The following JMJD1C variants were observed in gnomAD, a reference collection of about 807,000 sequenced individuals.
JMJD1C encodes the protein jumonji domain-containing protein 1C.
JMJD1C carries 31 observed loss-of-function variants against 245.3 expected under a neutral mutation model. That is an observed-to-expected ratio of 0.13 (90% CI 0.09 to 0.17). The LOEUF (loss-of-function observed/expected upper bound fraction) is 0.17. Among genes scored for constraint, JMJD1C ranks in the 10% least tolerant of loss-of-function variants. JMJD1C has a pLI of 1.00. For synonymous variants in JMJD1C, 1,057 were observed against 1,017.4 expected, an observed-to-expected ratio of 1.04 and a Z score of -0.74; for missense variants, 2,691 against 3,000.2, an observed-to-expected ratio of 0.90 and a Z score of 2.41.
At chr10:63,515,369 C>T (rs760578665) in intron 1 of JMJD1C, among the ~76,000 whole-genome samples, 9 of 152,142 alleles carry the variant, frequency 5.9e-5, no homozygotes, top group African/African-American at 2.2e-4. Context: ...CAGCTGACAG[C>T]GTAAGAGGAT....
At chr10:63,331,871 C>T (rs546757974) in intron 2 of JMJD1C, among the ~76,000 whole-genome samples, 1 of 152,298 alleles carries the variant, frequency 6.6e-6, no homozygotes, top group South Asian at 2.1e-4. Flanking sequence ...TCCCTTGCCT[C>T]AGCCTCCCAA....
At chr10:63,354,822 A>T (rs1018700789) in intron 2 of JMJD1C, among the ~76,000 whole-genome samples, 6 of 147,506 alleles carry the variant, frequency 4.1e-5, no homozygotes, top group African/African-American at 1.3e-4. Flanking sequence ...CAAGAACAGC[A>T]TGGGCAACAT....
At chr10:63,364,216 C>T (rs1401016745) in intron 2 of JMJD1C, among the ~76,000 whole-genome samples, 5 of 152,040 alleles carry the variant, frequency 3.3e-5, no homozygotes, top group African/African-American at 4.8e-5. Context: ...ACTATGTTGC[C>T]CAGGCTGGTC....
intron 2 of JMJD1C, among the ~76,000 whole-genome samples, chr10:63,312,202 G>A (rs1274348929): frequency 6.6e-6 from 1 of 150,664 alleles, no homozygotes; most frequent in Non-Finnish European, 1.5e-5. Flanking sequence ...CCGCCTCCCA[G>A]GTTGAAGCGA....
At chr10:63,502,594 G>A (rs912518139) in intron 1 of JMJD1C, among the ~76,000 whole-genome samples, 5 of 139,122 alleles carry the variant, frequency 3.6e-5, no homozygotes, top group Middle Eastern at 4.0e-3. Flanking sequence ...GCCAAGTTGC[G>A]CCACTGCACT....
chr10:63,334,424 T>C (rs1942479945), intron 2 of JMJD1C, among the ~76,000 whole-genome samples: 1 of 152,186 alleles, frequency 6.6e-6, no homozygotes, highest in African/African-American at 2.4e-5. Flanking sequence ...ACAGAGATTT[T>C]GGAGTTTTAA....
intron 1 of JMJD1C, among the ~76,000 whole-genome samples, chr10:63,517,279 C>T (rs1955049809): frequency 6.6e-6 from 1 of 152,200 alleles, no homozygotes; most frequent in Non-Finnish European, 1.5e-5. Context: ...AATAAATGAA[C>T]TCTTTTAACA....
At chr10:63,329,118 C>T (rs2134155262) in intron 2 of JMJD1C, among the ~76,000 whole-genome samples, 1 of 151,774 alleles carries the variant, frequency 6.6e-6, no homozygotes, top group African/African-American at 2.4e-5. Flanking sequence ...CCCGTTTCTA[C>T]AAAAAATACA....
At chr10:63,236,201 AG>A (rs1373197148) in intron 3 of JMJD1C, among the ~76,000 whole-genome samples, 2 of 152,230 alleles carry the variant, frequency 1.3e-5, no homozygotes, top group Non-Finnish European at 2.9e-5. Context: ...AACTACTAAT[AG>A]GGTTTCTTGG....
chr10:63,453,223 C>A (rs1290148324), intron 1 of JMJD1C, among the ~76,000 whole-genome samples: 4 of 152,060 alleles, frequency 2.6e-5, no homozygotes, highest in African/African-American at 4.8e-5. Context: ...TGCAGTGAGC[C>A]GAGATGGCGC....
At chr10:63,280,526 G>A (rs1448885992) in intron 2 of JMJD1C, among the ~76,000 whole-genome samples, 3 of 152,052 alleles carry the variant, frequency 2.0e-5, no homozygotes, top group African/African-American at 7.2e-5. Flanking sequence ...CTCCAGCCTG[G>A]GCGACAAGAG....
At chr10:63,435,661 A>G (rs1368780494) in intron 1 of JMJD1C, among the ~76,000 whole-genome samples, 10 of 152,128 alleles carry the variant, frequency 6.6e-5, no homozygotes, top group Non-Finnish European at 1.5e-4. Flanking sequence ...GCACTTTGGG[A>G]GGCTGAGGCG....
At chr10:63,336,152 G>A (rs954467461) in intron 2 of JMJD1C, among the ~76,000 whole-genome samples, 5 of 151,686 alleles carry the variant, frequency 3.3e-5, no homozygotes, top group South Asian at 2.1e-4. Flanking sequence ...AAAAAACCAC[G>A]TCTATGAAAC....
chr10:63,204,000 C>T, intron 10 of JMJD1C: 1 of 983,478 alleles, frequency 1.0e-6, no homozygotes, highest in Admixed American at 6.2e-5. Context: ...AAGAACTTTT[C>T]TGTGCTCAGG....
Position 63,382,118 on chromosome 10 carries a change from G to A in JMJD1C, c.169-1636C>T, listed in dbSNP as rs139735923. Among the ~76,000 whole-genome samples, 159 of 152,290 alleles carry A rather than the reference G, an allele frequency of 1.0e-3. 3 individuals carry two copies. In the East Asian group the frequency reaches 0.026, roughly 25 times the overall value. On this transcript the variant is annotated intron_variant, in intron 1 of 25. Transcript: ENST00000399262. ...CCCAGCTACTCAGGAAGCTGAGGCAGGAGAATGGCTTGAATCCAGGAGGCG... is the reference window on the plus strand; with the variant it reads ...CCCAGCTACTCAGGAAGCTGAGGCAAGAGAATGGCTTGAATCCAGGAGGCG...
intron 5 of JMJD1C, among the ~76,000 whole-genome samples, chr10:63,216,906 C>A (rs981686976): frequency 6.6e-6 from 1 of 152,030 alleles, no homozygotes; most frequent in Non-Finnish European, 1.5e-5. Context: ...AAAACTGAAA[C>A]TCTGAGAAAG....
At position 63,168,010 on chromosome 10, in the gene JMJD1C, G is replaced by A; in HGVS notation, c.*35C>T. 8.0e-7 allele frequency: 1 copy of A among 1,254,298 alleles called. No homozygotes were observed. The highest frequency in any genetic ancestry group is 2.3e-5 in the East Asian group (1 of 43,226). The allele number at this position is 1,254,298 out of a possible 1,614,324, so 77.7% of individuals were successfully genotyped here. On this transcript the variant is annotated 3_prime_UTR_variant, in exon 26 of 26. Coordinates refer to ENST00000399262, the MANE Select transcript of JMJD1C (RefSeq NM_032776.3). ...CATCATTCAAGGTTAAGTAATCCCA[G>A]TTCAACAACCTAAAAATATCAAACT... is the stretch of plus-strand genomic sequence containing the variant.
chr10:63,460,810 T>C (rs1397264483), intron 1 of JMJD1C, among the ~76,000 whole-genome samples: 1 of 152,194 alleles, frequency 6.6e-6, no homozygotes, highest in Non-Finnish European at 1.5e-5. Context: ...TACTTTCACA[T>C]GCAATAATAT....
At chr10:63,320,679 G>T (rs1357149343) in intron 2 of JMJD1C, among the ~76,000 whole-genome samples, 1 of 152,016 alleles carries the variant, frequency 6.6e-6, no homozygotes, top group Non-Finnish European at 1.5e-5. Flanking sequence ...TTTGTTTTTT[G>T]TCTCCATTTC....
Sources: gnomAD v4.1 joint callset for allele counts (sites outside exome capture counted in the v4.1 genomes callset) on GRCh38, gnomAD v4.1.1 for gene constraint, MANE v1.5 for transcripts, NCBI Gene and HGNC (gene_info 2026-07-23, HGNC 2026-07-21) for gene names.